The following NOMO3 variants were observed in gnomAD, a reference collection of about 807,000 sequenced individuals.
NOMO3 encodes BOS complex subunit NOMO3.
A neutral mutation model predicts 69.9 loss-of-function variants in NOMO3; 15 were observed. The ratio of observed to expected loss-of-function variants is 0.21; its 90% CI spans 0.14 to 0.33. NOMO3 has a LOEUF of 0.33. Among genes scored for constraint, NOMO3 ranks in the 10% least tolerant of loss-of-function variants. NOMO3 has a pLI of 1.00. For synonymous variants in NOMO3, 89 were observed against 301.9 expected (o/e 0.29, Z 7.31); for missense variants, 218 against 761.0 (o/e 0.29, Z 8.39).
chr16:16,254,314 A>G lies in NOMO3; in HGVS notation c.964-1406A>G, dbSNP rs1197583435. ...TCTTATTCTTTACTGTTTTCCTAACATGTGATTTAGTGCCTGGCACATAGT... is the reference window on the plus strand; with the variant it reads ...TCTTATTCTTTACTGTTTTCCTAACGTGTGATTTAGTGCCTGGCACATAGT... On this transcript the variant is annotated intron_variant, in intron 9 of 30. Coordinates refer to ENST00000399336, the MANE Select transcript of NOMO3 (RefSeq NM_001004067.4). Among the ~76,000 whole-genome samples the G allele has an allele frequency of 6.6e-4, 95 of 143,286 alleles. 6 individuals carry two copies. Among genetic ancestry groups the G allele is most frequent in the Middle Eastern group, 6.9e-3 (2 of 290 alleles). The allele number at this position is 143,286 out of a possible 152,430, so 94.0% of individuals were successfully genotyped here.
chr16:16,259,031 A>G (rs1435354686), intron 11 of NOMO3, among the ~76,000 whole-genome samples: 1 of 142,108 alleles, frequency 7.0e-6, no homozygotes, highest in Non-Finnish European at 1.5e-5. Context: ...TGGAGGAGAT[A>G]TGGTAGTGGC....
intron 1 of NOMO3, among the ~76,000 whole-genome samples, chr16:16,233,083 C>T (rs1332763429): frequency 4.0e-5 from 1 of 25,288 alleles, no homozygotes; most frequent in East Asian, 1.1e-3. Context: ...GACTCCAGAT[C>T]CCCGGAACAC....
rs997486568 is a variant in NOMO3 at position 16,254,499 on chromosome 16, AAAG to A, written c.964-1217_964-1215del. 1.1e-4 allele frequency among the ~76,000 whole-genome samples: 15 copies of A among 142,158 alleles called. 1 individual carries two copies. The highest frequency in any genetic ancestry group is 4.4e-4 in the African/African-American group (15 of 33,848). 93.3% of individuals were successfully genotyped at this position (142,158 alleles called of 152,430 possible). ...CTGAAAAAAAAAATAAAAAAATAAA[AAAG>A]AAGGGCTCCCTGCATAAAAAGGAAG... On this transcript the variant is annotated intron_variant, in intron 9 of 30. Coordinates refer to ENST00000399336, the MANE Select transcript of NOMO3 (RefSeq NM_001004067.4).
Position 16,263,394 on chromosome 16 carries a change from C to T in NOMO3, c.1538-119C>T, listed in dbSNP as rs1318696276. ...TTGAAAGAAGCGCTCCGTCTGCCTC[C>T]GGCCACTGCCTCTTAGGAGCTCAGC... On this transcript the variant is annotated intron_variant, in intron 13 of 30. Transcript: ENST00000399336. 67 of 1,541,704 alleles carry T rather than the reference C, an allele frequency of 4.3e-5. 7 individuals carry two copies. The African/African-American group carries it at 4.4e-4, about 10-fold the overall frequency.
chr16:16,242,917 C>G (rs1000788898), intron 3 of NOMO3, among the ~76,000 whole-genome samples: 4 of 142,784 alleles, frequency 2.8e-5, no homozygotes, highest in African/African-American at 5.7e-5. Context: ...ATTTTATACT[C>G]TAAACACGAA....
chr16:16,269,541 A>G (rs2141263153), intron 16 of NOMO3, among the ~76,000 whole-genome samples: 1 of 140,992 alleles, frequency 7.1e-6, no homozygotes, highest in East Asian at 2.4e-4. Context: ...TGTGGCCAAA[A>G]TACTGGTTAA....
chr16:16,262,958 C>T, intron 12 of NOMO3, 116 bp from the exon 13 acceptor site: 2 of 1,503,278 alleles, frequency 1.3e-6, no homozygotes, highest in South Asian at 1.3e-5. Flanking sequence ...GGAAACGAAC[C>T]TTTGGCCTTC....
intron 2 of NOMO3, among the ~76,000 whole-genome samples, chr16:16,237,306 A>G (rs1463090156): frequency 6.9e-6 from 1 of 144,326 alleles, no homozygotes; most frequent in African/African-American, 2.8e-5. Flanking sequence ...GCTGCCTACG[A>G]CAGCCCAGAT....
chr16:16,263,277 AT>A, intron 13 of NOMO3, 62 bp downstream of exon 13: 1 of 1,595,006 alleles, frequency 6.3e-7, no homozygotes, highest in Non-Finnish European at 8.5e-7. Flanking sequence ...TAGGAGTGGG[AT>A]TTGGGAAACT....
chr16:16,237,110 A>G (rs1163264094), intron 2 of NOMO3, 120 bp downstream of exon 2: 2 of 1,265,534 alleles, frequency 1.6e-6, no homozygotes, highest in Non-Finnish European at 2.2e-6. Context: ...TTATTAGTGG[A>G]ATATGATAAT....
chr16:16,245,092 G>T lies in NOMO3; in HGVS notation c.427G>T (p.Gly143Cys). The T allele has an allele frequency of 8.6e-7, 1 of 1,168,326 alleles. No individual in the cohort carries two copies. Among genetic ancestry groups the T allele is most frequent in the East Asian group, 3.1e-5 (1 of 32,452 alleles). The allele number at this position is 1,168,326 out of a possible 1,614,324, so 72.4% of individuals were successfully genotyped here. A position where few individuals can be genotyped will look rare whatever the true frequency, so the allele number is the denominator to read the frequency against. Residue 143 changes from glycine (G) to cysteine (C), a missense_variant, in exon 5 of 31, where the codon GGT becomes TGT. By Grantham distance (159) the Gly-to-Cys change is radical. Coordinates refer to ENST00000399336, the MANE Select transcript of NOMO3 (RefSeq NM_001004067.4). The part of the protein sequence containing the change: ...GKVLSKGQPL[G>C]PAGVQVSLRN... ...GGTCCTCAGCAAAGGGCAGCCCCTG[G>T]GTCCTGCGGGAGTTCAGGTGTCTCT...
In NOMO3 at chr16:16,244,235, G is replaced by C. The variant is rs546667311; in HGVS notation, c.403-833G>C. The stretch of plus-strand genomic sequence containing the variant: ...TCCCAGCTGTATGTGTGGGCTTCTT[G>C]TTAGAGATGGGGATCTTGGGTAGTT... On this transcript the variant is annotated intron_variant, in intron 4 of 30. Coordinates refer to ENST00000399336, the MANE Select transcript of NOMO3 (RefSeq NM_001004067.4). 5.8e-4 allele frequency among the ~76,000 whole-genome samples: 82 copies of C among 142,448 alleles called. 6 individuals are homozygous for C. The South Asian group carries it at 0.015, about 26-fold the overall frequency. The allele number at this position is 142,448 out of a possible 152,430, so 93.5% of individuals were successfully genotyped here. A position where few individuals can be genotyped will look rare whatever the true frequency, so the allele number is the denominator to read the frequency against.
rs2049511203 is a variant in NOMO3, at chr16:16,256,215, A to T, written c.1220+57A>T. On this transcript the variant is annotated intron_variant, in intron 11 of 30. Coordinates refer to ENST00000399336, the MANE Select transcript of NOMO3 (RefSeq NM_001004067.4). ...GTAAATATGCTGGCAGCCAGTGTAG[A>T]ACCAAATGACCTGTGATCTGTGTGT... 1.2e-5 allele frequency: 18 copies of T among 1,562,532 alleles called. 1 individual carries two copies. In the South Asian group the frequency reaches 2.1e-4, roughly 18 times the overall value.
chr16:16,260,759 G>C (rs1167700889), intron 11 of NOMO3: 1 of 142,146 alleles, frequency 7.0e-6, no homozygotes, highest in Admixed American at 6.8e-5. Context: ...TACACCAGCT[G>C]CTTCAGAAAT....
At chr16:16,261,344 A>C (rs1339524430) in intron 11 of NOMO3, 158 bp from the exon 12 acceptor site, 1 of 1,291,372 alleles carries the variant, frequency 7.7e-7, no homozygotes, top group Non-Finnish European at 1.0e-6. Flanking sequence ...GTTGCTTTTT[A>C]AAACCAGAAT....
At chr16:16,265,276 G>C in intron 15 of NOMO3, 97 bp downstream of exon 15, 1 of 1,583,654 alleles carries the variant, frequency 6.3e-7, no homozygotes, top group Non-Finnish European at 8.5e-7. Context: ...ACGTAGGCAA[G>C]TCAGATTTCC....
chr16:16,261,394 A>C, intron 11 of NOMO3, 108 bp from the exon 12 acceptor site: 1 of 1,455,482 alleles, frequency 6.9e-7, no homozygotes. Flanking sequence ...AGATTAGACT[A>C]TTCTCAGGAA....
At chr16:16,265,685 T>A (rs1455467319) in intron 15 of NOMO3, among the ~76,000 whole-genome samples, 1 of 54,174 alleles carries the variant, frequency 1.8e-5, no homozygotes, top group Non-Finnish European at 3.2e-5. Flanking sequence ...TTTTTTTTTT[T>A]TTTTTTTTTT....
At chr16:16,267,482 TGGA>T (rs371211160) in intron 16 of NOMO3, among the ~76,000 whole-genome samples, 2,254 of 143,980 alleles carry the variant, frequency 0.016, 473 homozygotes, top group African/African-American at 0.059. Flanking sequence ...TCACCCAGGC[TGGA>T]GTGTAGTGGC....
Sources: gnomAD v4.1 joint callset for allele counts (sites outside exome capture counted in the v4.1 genomes callset) on GRCh38, gnomAD v4.1.1 for gene constraint, MANE v1.5 for transcripts, NCBI Gene and HGNC (gene_info 2026-07-23, HGNC 2026-07-21) for gene names.